The following JARID2 variants were observed in gnomAD, a reference collection of about 807,000 sequenced individuals.
JARID2 encodes the protein jumonji and AT-rich interaction domain containing 2, also known as protein Jumonji.
JARID2 carries 21 observed loss-of-function variants against 125.6 expected under a neutral mutation model. The ratio of observed to expected loss-of-function variants is 0.17; its 90% CI spans 0.12 to 0.24. The LOEUF is 0.24. Among genes scored for constraint, JARID2 ranks in the 10% least tolerant of loss-of-function variants. JARID2 has a pLI of 1.00. For synonymous variants in JARID2, 736 were observed against 661.6 expected (o/e 1.11, Z -1.73); for missense variants, 1,303 against 1,639.6 (o/e 0.79, Z 3.55).
intron 2 of JARID2, among the ~76,000 whole-genome samples, chr6:15,385,881 A>G (rs889049364): frequency 6.6e-5 from 10 of 152,122 alleles, no homozygotes; most frequent in African/African-American, 2.4e-4. Flanking sequence ...TATTTTCCCC[A>G]TTGCCAGAGG....
At chr6:15,291,088 T>G (rs1752948495) in intron 1 of JARID2, among the ~76,000 whole-genome samples, 1 of 152,140 alleles carries the variant, frequency 6.6e-6, no homozygotes, top group African/African-American at 2.4e-5. Context: ...TAAAAAAAAT[T>G]AATCAGCCGT....
intron 7 of JARID2, among the ~76,000 whole-genome samples, chr6:15,499,932 T>C (rs1770651136): frequency 6.6e-6 from 1 of 152,230 alleles, no homozygotes; most frequent in Non-Finnish European, 1.5e-5. Flanking sequence ...ATGCTTGGTA[T>C]GTGCAGCGAC....
chr6:15,362,523 C>T (rs1314927800), intron 1 of JARID2, among the ~76,000 whole-genome samples: 1 of 152,138 alleles, frequency 6.6e-6, no homozygotes, highest in Non-Finnish European at 1.5e-5. Flanking sequence ...ACGATGAGAG[C>T]TTTTGCCCCT....
chr6:15,289,502 G>A (rs1215497934), intron 1 of JARID2, among the ~76,000 whole-genome samples: 1 of 151,952 alleles, frequency 6.6e-6, no homozygotes, highest in East Asian at 1.9e-4. Flanking sequence ...TAAAGTGCTG[G>A]GATTACAGGC....
intron 2 of JARID2, among the ~76,000 whole-genome samples, chr6:15,404,806 C>T (rs1304655548): frequency 1.3e-5 from 2 of 152,158 alleles, no homozygotes; most frequent in East Asian, 3.8e-4. Context: ...TCAAAGCCCT[C>T]CTTGTTTTTC....
chr6:15,511,309 G>C lies in JARID2; in HGVS notation c.2860G>C (p.Ala954Pro). 6.2e-7 allele frequency: 1 copy of C among 1,613,300 alleles called. No individual in the cohort carries two copies. Among genetic ancestry groups the C allele is most frequent in the Non-Finnish European group, 8.5e-7 (1 of 1,179,314 alleles). Reference sequence around the variant, plus strand: ...TCAATGACCCAGGTATTGCATTCCTGCTGAGGAGGAGAACAAGCTGGAAGA... The same window carrying C: ...TCAATGACCCAGGTATTGCATTCCTCCTGAGGAGGAGAACAAGCTGGAAGA... Reference protein sequence around the residue: ...GADCIWYCIPAEEENKLEDVV... With the variant: ...GADCIWYCIPPEEENKLEDVV... The change falls in exon 13 of 18, where the codon GCT becomes CCT. Residue 954 changes from alanine to proline, a missense_variant. Around this residue, in one of 11 missense-constraint regions of JARID2, gnomAD observed 190 missense variants for 341.4 expected, o/e 0.56. Transcript: ENST00000341776.
chr6:15,371,534 A>G (rs1308962735), intron 1 of JARID2, among the ~76,000 whole-genome samples: 2 of 152,200 alleles, frequency 1.3e-5, no homozygotes, highest in African/African-American at 4.8e-5. Context: ...TAACACTATC[A>G]TTCAGTTGCA....
At chr6:15,515,016 G>A (rs945907387) in intron 16 of JARID2, among the ~76,000 whole-genome samples, 4 of 150,842 alleles carry the variant, frequency 2.7e-5, no homozygotes, top group African/African-American at 9.7e-5. Context: ...ACTGATAAAA[G>A]CTGCATAGCT....
At chr6:15,283,303 C>A (rs1270094145) in intron 1 of JARID2, among the ~76,000 whole-genome samples, 7 of 147,846 alleles carry the variant, frequency 4.7e-5, no homozygotes, top group African/African-American at 1.8e-4. Flanking sequence ...GAATATGTCG[C>A]AAATATTGTC....
intron 5 of JARID2, among the ~76,000 whole-genome samples, chr6:15,485,206 A>G (rs908568281): frequency 2.0e-5 from 3 of 152,202 alleles, no homozygotes; most frequent in Non-Finnish European, 4.4e-5. Context: ...CAGTATTTTA[A>G]AATCTATTAA....
intron 1 of JARID2, among the ~76,000 whole-genome samples, chr6:15,316,644 A>T (rs749525813): frequency 1.3e-5 from 2 of 152,074 alleles, no homozygotes; most frequent in Non-Finnish European, 2.9e-5. Flanking sequence ...CTGGGATTAC[A>T]GGCACCCACC....
At chr6:15,454,578 A>G (rs1768069222) in intron 4 of JARID2, among the ~76,000 whole-genome samples, 1 of 152,038 alleles carries the variant, frequency 6.6e-6, no homozygotes, top group African/African-American at 2.4e-5. Context: ...CCTGGGCTCA[A>G]GCCATCCTTC....
chr6:15,353,458 C>T (rs954105019), intron 1 of JARID2, among the ~76,000 whole-genome samples: 2 of 152,132 alleles, frequency 1.3e-5, no homozygotes, highest in Non-Finnish European at 2.9e-5. Context: ...AGTTTGGAGA[C>T]AAGAATGCTT....
At chr6:15,295,119 C>CT (rs1761361829) in intron 1 of JARID2, among the ~76,000 whole-genome samples, 1 of 137,344 alleles carries the variant, frequency 7.3e-6, no homozygotes, top group African/African-American at 2.7e-5. Context: ...TTTTTTTTTT[C>CT]TTTCTTTTTT....
rs747745522 is a variant in JARID2 at position 15,520,121 on chromosome 6, A to C, written c.3611A>C (p.Asn1204Thr). The C allele has an allele frequency of 6.2e-7, 1 of 1,613,842 alleles. No individual in the cohort carries two copies. ...ATCTGCGGCAAAGTGTCTGGTAAAA[A>C]CGGCAGCATTGAGAACTGTCTCAGT... ...NQICGKVSGK[N>T]GSIENCLSKP... Residue 1204 changes from asparagine (N) to threonine (T), a missense_variant, in exon 18 of 18, where the codon AAC becomes ACC. Coordinates refer to ENST00000341776, the MANE Select transcript of JARID2 (RefSeq NM_004973.4).
At chr6:15,255,594 C>T (rs1236904418) in intron 1 of JARID2, among the ~76,000 whole-genome samples, 1 of 152,058 alleles carries the variant, frequency 6.6e-6, no homozygotes, top group Non-Finnish European at 1.5e-5. Context: ...TTCCCAGCCA[C>T]CATTTTGGTG....
At chr6:15,302,458 ACTTAGTAGTTCAAAGC>A (rs904826863) in intron 1 of JARID2, among the ~76,000 whole-genome samples, 4 of 151,686 alleles carry the variant, frequency 2.6e-5, no homozygotes, top group Non-Finnish European at 5.9e-5. Flanking sequence ...TCCATTGTTG[ACTTAGTAGTTCAAAGC>A]CTAATGGTGT....
rs778254538 is a variant in JARID2, at chr6:15,496,634, C to T, written c.1409C>T (p.Pro470Leu). 4 of 1,610,332 alleles carry T rather than the reference C, an allele frequency of 2.5e-6. No individual in the cohort carries two copies. The South Asian group carries it at 3.3e-5, about 13-fold the overall frequency. ...GGGGCGGCTGGCCCCGCCGAAGGCC[C>T]TGGCAAGAAGGCCCCGGCCGAGAGA... is the stretch of plus-strand genomic sequence containing the variant. ...MKGAAGPAEGPGKKAPAERGL... is the reference protein window; with the variant it reads ...MKGAAGPAEGLGKKAPAERGL... Residue 470 changes from proline (P) to leucine (L), a missense_variant, in exon 7 of 18, where the codon CCT becomes CTT. Pro to Leu is a moderately conservative substitution (Grantham distance 98). Around this residue, in one of 11 missense-constraint regions of JARID2, gnomAD observed 651 missense variants for 581.6 expected, o/e 1.12. Transcript: ENST00000341776.
At chr6:15,400,939 C>A in intron 2 of JARID2, 6 of 1,289,462 alleles carry the variant, frequency 4.7e-6, no homozygotes, top group Non-Finnish European at 4.0e-6. Context: ...CTGCAATGAT[C>A]CGGCTCTGAG....
Sources: gnomAD v4.1 joint callset for allele counts (sites outside exome capture counted in the v4.1 genomes callset) on GRCh38, gnomAD v4.1.1 for gene constraint, gnomAD v4.1.1 regional missense constraint, MANE v1.5 for transcripts, NCBI Gene and HGNC (gene_info 2026-07-23, HGNC 2026-07-21) for gene names.